FREM3: variants seen among roughly 807,000 people sequenced by gnomAD.
FREM3 encodes FRAS1-related extracellular matrix protein 3.
A neutral mutation model predicts 129.1 loss-of-function variants in FREM3; 105 were observed. That is an observed-to-expected ratio of 0.81 (90% CI 0.69 to 0.96). The LOEUF (loss-of-function observed/expected upper bound fraction) is 0.96. Ranked by LOEUF, FREM3 falls within the 40% of genes least tolerant of loss-of-function variation. The pLI, the probability that FREM3 is intolerant of heterozygous loss-of-function variation, is 0.00. For synonymous variants in FREM3, 1,014 were observed against 1,044.9 expected (o/e 0.97, Z 0.57); for missense variants, 2,593 against 2,666.3 (o/e 0.97, Z 0.61).
At position 143,577,811 on chromosome 4, in the gene FREM3, C is replaced by T. The variant is rs1273307077; in HGVS notation, c.6220G>A (p.Ala2074Thr). 1.3e-6 allele frequency: 2 copies of T among 1,537,244 alleles called. No homozygotes were observed. Among genetic ancestry groups the T allele is most frequent in the South Asian group, 1.2e-5 (1 of 84,060 alleles). ...YVGISRNLDF[A>T]PGVRMQTFQV... is the part of the protein sequence containing the mutation. ...AATGTCTGCATGCGCACGCCTGGAG[C>T]AAAGTCCAGGTTTCGGCTGATACCA... Residue 2074 changes from alanine to threonine, a missense_variant, in exon 8 of 8, where the codon GCT becomes ACT. Coordinates refer to ENST00000329798, the MANE Select transcript of FREM3 (RefSeq NM_001168235.2).
chr4:143,629,058 C>T (rs1497608), intron 2 of FREM3, among the ~76,000 whole-genome samples: 55,406 of 151,906 alleles, frequency 0.36, 11,564 homozygotes, highest in Non-Finnish European at 0.46. Context: ...GTTGCACAGG[C>T]GGTAAGAGAC....
intron 1 of FREM3, 123 bp downstream of exon 1, chr4:143,695,368 G>C: frequency 1.2e-6 from 1 of 839,434 alleles, no homozygotes; most frequent in Non-Finnish European, 1.8e-6. Context: ...ACGCTTCACT[G>C]TATTTTATTA....
At chr4:143,677,092 C>T (rs1578865105) in intron 2 of FREM3, among the ~76,000 whole-genome samples, 2 of 152,148 alleles carry the variant, frequency 1.3e-5, no homozygotes, top group East Asian at 3.8e-4. Context: ...CAAGTCAATC[C>T]TAAGCCAAAA....
chr4:143,692,382 G>T (rs760254537), intron 2 of FREM3, among the ~76,000 whole-genome samples: 10 of 152,120 alleles, frequency 6.6e-5, no homozygotes, highest in Non-Finnish European at 1.3e-4. Flanking sequence ...GAAAATGCAG[G>T]TTACTTACTG....
intron 2 of FREM3, among the ~76,000 whole-genome samples, chr4:143,658,038 A>G (rs993787452): frequency 2.6e-5 from 4 of 152,224 alleles, no homozygotes; most frequent in Non-Finnish European, 4.4e-5. Flanking sequence ...TTCTACTAAC[A>G]TCAGTCTCAC....
In FREM3 at chr4:143,627,642, T is replaced by C. The variant is rs1340462056; in HGVS notation, c.5394A>G (p.Arg1798=). The part of the protein sequence containing the change: ...STFLEVTLTR[R]GYLGETSFIS... ...TAAATGATGTTTCTCCAAGGTATCC[T>C]CTGCGTGTAAGGGTCACTTCTAAGA... Residue 1798 remains arginine (R), a synonymous_variant, in exon 3 of 8, where the codon AGA becomes AGG. Transcript: ENST00000329798. 1 of 1,536,330 alleles carries C rather than the reference T, an allele frequency of 6.5e-7. No homozygotes were observed. Among genetic ancestry groups the C allele is most frequent in the Non-Finnish European group, 8.7e-7 (1 of 1,146,174 alleles).
At chr4:143,588,729 C>T (rs1454484780) in intron 6 of FREM3, among the ~76,000 whole-genome samples, 1 of 151,650 alleles carries the variant, frequency 6.6e-6, no homozygotes, top group Non-Finnish European at 1.5e-5. Context: ...TTTATAGCAG[C>T]ATGATTTATA....
chr4:143,622,972 ACT>A (rs1738977716), intron 4 of FREM3, among the ~76,000 whole-genome samples: 1 of 152,172 alleles, frequency 6.6e-6, no homozygotes, highest in African/African-American at 2.4e-5. Context: ...TCTCAACAAA[ACT>A]GGTCTGATAC....
Position 143,700,327 on chromosome 4 carries a change from AG to A in FREM3, c.348del (p.Cys117AlafsTer54). ...TGGACTTGGCGGGGCCCGAAGGTGC[AG>A]GGGAAGCGGCGCGGGGAGAGCGCGC... ...LKGALSPRRF[P>X]CTFGPRQVQY... On this transcript the variant is annotated frameshift_variant, in exon 1 of 8. Coordinates refer to ENST00000329798, the MANE Select transcript of FREM3 (RefSeq NM_001168235.2). LOFTEE classifies it high-confidence loss of function. The A allele has an allele frequency of 6.5e-7, 1 of 1,534,960 alleles. No individual in the cohort carries two copies. Among genetic ancestry groups the A allele is most frequent in the Non-Finnish European group, 8.7e-7 (1 of 1,145,904 alleles).
intron 2 of FREM3, among the ~76,000 whole-genome samples, chr4:143,665,763 C>T (rs1739847377): frequency 6.6e-6 from 1 of 152,038 alleles, no homozygotes; most frequent in African/African-American, 2.4e-5. Flanking sequence ...TTCAGAACTC[C>T]AGTAGAAGTT....
chr4:143,604,305 A>G (rs2149838038), intron 6 of FREM3, among the ~76,000 whole-genome samples: 1 of 152,220 alleles, frequency 6.6e-6, no homozygotes, highest in Admixed American at 6.6e-5. Context: ...ACCTAGCCTC[A>G]GGACTCTTTT....
chr4:143,661,549 T>A (rs1043133659), intron 2 of FREM3, among the ~76,000 whole-genome samples: 1 of 151,876 alleles, frequency 6.6e-6, no homozygotes, highest in African/African-American at 2.4e-5. Flanking sequence ...TCTAAAATTC[T>A]CTTTTTTGGT....
chr4:143,673,200 G>GT (rs1301787913), intron 2 of FREM3, among the ~76,000 whole-genome samples: 6 of 152,306 alleles, frequency 3.9e-5, no homozygotes, highest in Admixed American at 3.9e-4. Context: ...TTTCTGTTCT[G>GT]TTTTTTCCCC....
chr4:143,586,093 G>C (rs1394983906), intron 6 of FREM3, 100 bp from the exon 7 acceptor site: 1 of 1,160,530 alleles, frequency 8.6e-7, no homozygotes. Flanking sequence ...ATAATTGTCA[G>C]ACATGACAGA....
chr4:143,619,073 G>C (rs1404424346), intron 5 of FREM3, among the ~76,000 whole-genome samples: 1 of 152,178 alleles, frequency 6.6e-6, no homozygotes, highest in Non-Finnish European at 1.5e-5. Context: ...GGCAGCTCTT[G>C]TCCAGTTCAA....
intron 2 of FREM3, among the ~76,000 whole-genome samples, chr4:143,636,565 A>G (rs1739237349): frequency 6.6e-6 from 1 of 152,252 alleles, no homozygotes; most frequent in East Asian, 1.9e-4. Context: ...TGTGAAGAGC[A>G]TAATGGCATT....
chr4:143,677,455 G>C (rs1271049170), intron 2 of FREM3, among the ~76,000 whole-genome samples: 1 of 152,134 alleles, frequency 6.6e-6, no homozygotes, highest in Non-Finnish European at 1.5e-5. Context: ...AGAAAACCTA[G>C]GCAATACCAT....
rs947615709 is a variant in FREM3, at chr4:143,699,221, C to G, written c.1455G>C (p.Gly485=). 11 of 1,537,170 alleles carry G rather than the reference C, an allele frequency of 7.2e-6. No homozygotes were observed. The highest frequency in any genetic ancestry group is 9.6e-6 in the Non-Finnish European group (11 of 1,146,926). ...GLRHGQLVVF[G]APAGCKYFTP... ...TGAAATACTTGCACCCAGCAGGTGCCCCAAACACCACCAGCTGCCCATGTC... is the reference window on the plus strand; with the variant it reads ...TGAAATACTTGCACCCAGCAGGTGCGCCAAACACCACCAGCTGCCCATGTC... Residue 485 remains glycine (G), a synonymous_variant, in exon 1 of 8, where the codon GGG becomes GGC. Transcript: ENST00000329798. The surrounding 1 kb of genome is among the most constrained non-coding windows in gnomAD (Gnocchi z 4.2).
intron 2 of FREM3, among the ~76,000 whole-genome samples, chr4:143,671,821 G>T (rs1183780642): frequency 6.6e-6 from 1 of 152,182 alleles, no homozygotes; most frequent in Admixed American, 6.5e-5. Flanking sequence ...CATGAGAAAT[G>T]CAGCTACTTT....
Sources: allele counts gnomAD v4.1 joint callset (sites outside exome capture counted in the v4.1 genomes callset), GRCh38; gene constraint gnomAD v4.1.1; non-coding constraint Gnocchi (gnomAD v3.1); transcripts MANE v1.5; gene names NCBI Gene and HGNC (gene_info 2026-07-23, HGNC 2026-07-21).